ZNF761: variants seen among roughly 807,000 people sequenced by gnomAD.
ZNF761 encodes zinc finger protein 761.
ZNF761 carries 43 observed loss-of-function variants against 59.9 expected under a neutral mutation model. That is an observed-to-expected ratio of 0.72 (90% CI 0.56 to 0.92). The LOEUF is 0.92. ZNF761 is among the 40% of genes least tolerant of loss of function. ZNF761 has a pLI of 0.00. For synonymous variants in ZNF761, 294 were observed against 304.8 expected (o/e 0.96, Z 0.37); for missense variants, 850 against 906.1 (o/e 0.94, Z 0.79).
At chr19:53,449,713 G>T in intron 4 of ZNF761, 75 bp downstream of exon 4, 1 of 1,588,414 alleles carries the variant, frequency 6.3e-7, no homozygotes, top group Non-Finnish European at 8.5e-7. Context: ...TTTAGATACA[G>T]TGTCTTGCTC....
chr19:53,452,729 A>T (rs1478298688), intron 4 of ZNF761, among the ~76,000 whole-genome samples: 1 of 152,224 alleles, frequency 6.6e-6, no homozygotes, highest in Non-Finnish European at 1.5e-5. Flanking sequence ...GTGTCCTGAC[A>T]TGGTGGAAAC....
At chr19:53,440,867 C>T (rs1345358594) in intron 1 of ZNF761, among the ~76,000 whole-genome samples, 2 of 152,034 alleles carry the variant, frequency 1.3e-5, no homozygotes, top group African/African-American at 2.4e-5. Flanking sequence ...GGTAGAAACG[C>T]GTTTCACTAC....
At chr19:53,445,040 GTGTGATCTCGGCTCAC>G (rs1229162183) in intron 1 of ZNF761, 2 of 150,010 alleles carry the variant, frequency 1.3e-5, no homozygotes, top group African/African-American at 4.9e-5. Context: ...GAGTGCAATG[GTGTGATCTCGGCTCAC>G]TGCAACCTCC....
chr19:53,455,874 A>G lies in ZNF761; in HGVS notation c.1367A>G (p.His456Arg). The change falls in exon 5 of 5, where the codon CAT (histidine) becomes CGT (arginine). Residue 456 changes from histidine to arginine, a missense_variant. Coordinates refer to ENST00000684525, the MANE Select transcript of ZNF761 (RefSeq NM_001289951.2). The stretch of plus-strand genomic sequence containing the variant: ...AGCCGGACATCATCCCTTACATGCC[A>G]TCGTAGACGTCATACTGGAGAGCAA... Reference protein sequence around the residue: ...TFSRTSSLTCHRRRHTGEQPY... With the variant: ...TFSRTSSLTCRRRRHTGEQPY... The G allele has an allele frequency of 1.9e-6, 3 of 1,613,808 alleles. No individual in the cohort carries two copies. In the East Asian group the frequency reaches 6.7e-5, roughly 36 times the overall value.
Position 53,456,886 on chromosome 19 carries a change from C to T in ZNF761, c.*138C>T. 1 of 987,334 alleles carries T rather than the reference C, an allele frequency of 1.0e-6. No homozygotes were observed. Among genetic ancestry groups the T allele is most frequent in the Non-Finnish European group, 1.5e-6 (1 of 651,004 alleles). 61.2% of individuals were successfully genotyped at this position (987,334 alleles called of 1,614,324 possible). Reference sequence around the variant, plus strand: ...TCAAGCCTCAGAAGACAGGAGAATTCATACTGGAGAGAAAGCTTATAAATG... The same window carrying T: ...TCAAGCCTCAGAAGACAGGAGAATTTATACTGGAGAGAAAGCTTATAAATG... On this transcript the variant is annotated 3_prime_UTR_variant, in exon 5 of 5. Coordinates refer to ENST00000684525, the MANE Select transcript of ZNF761 (RefSeq NM_001289951.2).
chr19:53,451,267 A>G (rs771520714), intron 4 of ZNF761, among the ~76,000 whole-genome samples: 45 of 152,274 alleles, frequency 3.0e-4, no homozygotes, highest in Non-Finnish European at 5.7e-4. Context: ...CTGGAGTGCA[A>G]TGGCACAATC....
At position 53,446,215 on chromosome 19, in the gene ZNF761, T is replaced by G. The variant is rs76000189; in HGVS notation, c.-184-12T>G. The G allele has an allele frequency of 0.014, 2,082 of 152,642 alleles. 46 individuals are homozygous for G. The highest frequency in any genetic ancestry group is 0.04 in the Admixed American group (613 of 15,268). 9.5% of individuals were successfully genotyped at this position (152,642 alleles called of 1,614,324 possible). On this transcript the variant is annotated splice_polypyrimidine_tract_variant and intron_variant, in intron 1 of 4. Transcript: ENST00000684525. ...TCACATCAGAATTTTTTTTTCTTTT[T>G]TTTGGAGACAGAGTATTGCCCGGGC...
chr19:53,449,948 A>G (rs916119725), intron 4 of ZNF761: 6 of 533,442 alleles, frequency 1.1e-5, no homozygotes, highest in Admixed American at 1.1e-4. Flanking sequence ...TCAGTCTCCC[A>G]AGTAGCTGAG....
chr19:53,434,940 C>T (rs563549806), intron 1 of ZNF761, among the ~76,000 whole-genome samples: 18 of 152,198 alleles, frequency 1.2e-4, no homozygotes, highest in African/African-American at 3.9e-4. Flanking sequence ...TTTAAAGACT[C>T]GGAATTGTTG....
intron 1 of ZNF761, among the ~76,000 whole-genome samples, chr19:53,437,006 A>G (rs1442384738): frequency 6.6e-6 from 1 of 152,100 alleles, no homozygotes; most frequent in Non-Finnish European, 1.5e-5. Context: ...GACAGCAGAG[A>G]GCCACGGCAC....
chr19:53,446,704 T>C (rs1443590408), intron 2 of ZNF761, among the ~76,000 whole-genome samples: 1 of 152,010 alleles, frequency 6.6e-6, no homozygotes, highest in African/African-American at 2.4e-5. Context: ...AGACAGGGTT[T>C]CACAGTGTTG....
In ZNF761 at chr19:53,455,941, A is replaced by G; in HGVS notation, c.1434A>G (p.Lys478=). The G allele has an allele frequency of 6.2e-7, 1 of 1,613,190 alleles. No individual in the cohort carries two copies. The highest frequency in any genetic ancestry group is 8.5e-7 in the Non-Finnish European group (1 of 1,179,786). ...AATGTGACAAAGCTTTCCGTTTCAA[A>G]TCAAACCTTGAAAGACATAGGAGAA... ...CEECDKAFRF[K]SNLERHRRIH... is the part of the protein sequence containing the mutation. The change falls in exon 5 of 5, where the codon AAA becomes AAG. Residue 478 remains lysine, a synonymous_variant. Transcript: ENST00000684525.
At chr19:53,434,435 A>C (rs573881509) in intron 1 of ZNF761, among the ~76,000 whole-genome samples, 90 of 152,316 alleles carry the variant, frequency 5.9e-4, no homozygotes, top group African/African-American at 2.1e-3. Flanking sequence ...TGTGGCCCAC[A>C]GATCCAATAG....
chr19:53,455,589 A>G lies in ZNF761; in HGVS notation c.1082A>G (p.Lys361Arg), dbSNP rs1223390377. 1.2e-6 allele frequency: 2 copies of G among 1,613,998 alleles called. No homozygotes were observed. Among genetic ancestry groups the G allele is most frequent in the Non-Finnish European group, 1.7e-6 (2 of 1,179,994 alleles). Residue 361 changes from lysine (K) to arginine (R), a missense_variant, in exon 5 of 5, where the codon AAG becomes AGG. By Grantham distance (26) the Lys-to-Arg change is conservative. Transcript: ENST00000684525. ...EKPYKCNECG[K>R]TFSHKSSLTC... ...CCTTACAAGTGTAATGAGTGTGGCA[A>G]GACCTTTAGTCACAAGTCATCCCTT...
chr19:53,433,433 G>A (rs1352029934), intron 1 of ZNF761, among the ~76,000 whole-genome samples: 1 of 150,954 alleles, frequency 6.6e-6, no homozygotes, highest in East Asian at 1.9e-4. Context: ...GGGCTGTCTG[G>A]AGCCCATTTC....
intron 1 of ZNF761, among the ~76,000 whole-genome samples, 174 bp downstream of exon 1, chr19:53,432,202 C>A (rs1250634619): frequency 6.6e-6 from 1 of 152,216 alleles, no homozygotes; most frequent in African/African-American, 2.4e-5. Context: ...GTTTAAGGTC[C>A]CCCTGAGGCT....
At chr19:53,433,495 C>G (rs537386116) in intron 1 of ZNF761, among the ~76,000 whole-genome samples, 1 of 52,482 alleles carries the variant, frequency 1.9e-5, no homozygotes, top group Non-Finnish European at 3.5e-5. Flanking sequence ...AAAACTTGTT[C>G]TTCTTTTCTT....
At chr19:53,445,693 AAAAT>A (rs1422199485) in intron 1 of ZNF761, among the ~76,000 whole-genome samples, 4 of 152,274 alleles carry the variant, frequency 2.6e-5, no homozygotes, top group East Asian at 3.9e-4. Flanking sequence ...AAAATTAAAA[AAAAT>A]TTTTTAAAAA....
chr19:53,434,205 G>A (rs1568797492), intron 1 of ZNF761, among the ~76,000 whole-genome samples: 1 of 152,200 alleles, frequency 6.6e-6, no homozygotes, highest in African/African-American at 2.4e-5. Flanking sequence ...CTGGCCTAGA[G>A]TACTGAATTA....
Sources: allele counts gnomAD v4.1 joint callset (sites outside exome capture counted in the v4.1 genomes callset), GRCh38; gene constraint gnomAD v4.1.1; transcripts MANE v1.5; gene names NCBI Gene and HGNC (gene_info 2026-07-23, HGNC 2026-07-21).